TJP1: variants seen among roughly 807,000 people sequenced by gnomAD.
TJP1 encodes the protein tight junction protein 1, also known as tight junction protein ZO-1.
In TJP1, 43 loss-of-function variants were observed where a neutral mutation model predicts 194.2. That is an observed-to-expected ratio of 0.22 (90% CI 0.17 to 0.29). The LOEUF (loss-of-function observed/expected upper bound fraction) is 0.29, where lower values mean the gene tolerates loss of function less well. Ranked by LOEUF, TJP1 falls within the 10% of genes least tolerant of loss-of-function variation. The pLI, the probability that TJP1 is intolerant of heterozygous loss-of-function variation, is 1.00. For synonymous variants in TJP1, 801 were observed against 779.0 expected, an observed-to-expected ratio of 1.03 and a Z score of -0.47; for missense variants, 1,971 against 2,185.7, an observed-to-expected ratio of 0.90 and a Z score of 1.96.
At chr15:29,891,194 G>A (rs1422134640) in intron 2 of TJP1, among the ~76,000 whole-genome samples, 1 of 152,162 alleles carries the variant, frequency 6.6e-6, no homozygotes, top group East Asian at 1.9e-4. Flanking sequence ...CCAGATTGAC[G>A]GTGAGGACTA....
At chr15:29,743,705 C>G (rs2044577938) in intron 8 of TJP1, among the ~76,000 whole-genome samples, 2 of 151,900 alleles carry the variant, frequency 1.3e-5, no homozygotes, top group South Asian at 4.2e-4. Flanking sequence ...CCAGCCTAGG[C>G]AACAGAACAA....
At chr15:29,858,155 C>T (rs1487907045) in intron 2 of TJP1, among the ~76,000 whole-genome samples, 1 of 152,328 alleles carries the variant, frequency 6.6e-6, no homozygotes, top group South Asian at 2.1e-4. Context: ...AATCTCAACA[C>T]TTTGGGAGGC....
At chr15:29,934,994 A>G (rs558109620) in intron 2 of TJP1, among the ~76,000 whole-genome samples, 1 of 152,362 alleles carries the variant, frequency 6.6e-6, no homozygotes, top group Non-Finnish European at 1.5e-5. Flanking sequence ...AGGCCATCAG[A>G]GGGAAACTGA....
At chr15:29,861,198 A>G (rs902318870) in intron 2 of TJP1, among the ~76,000 whole-genome samples, 1 of 152,170 alleles carries the variant, frequency 6.6e-6, no homozygotes, top group Non-Finnish European at 1.5e-5. Context: ...TTTAACATAG[A>G]CCTGCAAACT....
In TJP1 at chr15:29,716,632, TTTGA is replaced by T; in HGVS notation, c.4177_4180del (p.Ser1393IlefsTer76). 6.2e-7 allele frequency: 1 copy of T among 1,612,382 alleles called. No individual in the cohort carries two copies. Among genetic ancestry groups the T allele is most frequent in the Non-Finnish European group, 8.5e-7 (1 of 1,178,686 alleles). On this transcript the variant is annotated frameshift_variant, in exon 23 of 28. Coordinates refer to ENST00000614355, the MANE Select transcript of TJP1 (RefSeq NM_001330239.4). LOFTEE classifies it high-confidence loss of function. ...TTACTTTGAAGAATAACTAGAAAAA[TTTGA>T]TTGATTCTGAGAATGCGCTGGCTTT...
chr15:29,719,753 A>G (rs1416918415), intron 20 of TJP1, 24 bp downstream of exon 20: 4 of 1,592,034 alleles, frequency 2.5e-6, no homozygotes, highest in Non-Finnish European at 3.4e-6. Flanking sequence ...GCAACAAATT[A>G]GTGCAACACC....
intron 1 of TJP1, among the ~76,000 whole-genome samples, chr15:29,815,676 CA>C (rs2049861835): frequency 6.6e-6 from 1 of 152,210 alleles, no homozygotes; most frequent in Admixed American, 6.5e-5. Context: ...TTTATCATAT[CA>C]GGGGTATGTC....
intron 2 of TJP1, among the ~76,000 whole-genome samples, chr15:29,910,577 T>C (rs1431123450): frequency 6.6e-6 from 1 of 152,248 alleles, no homozygotes; most frequent in African/African-American, 2.4e-5. Context: ...TATCTGAATG[T>C]AGATTATTCT....
intron 8 of TJP1, among the ~76,000 whole-genome samples, chr15:29,758,571 G>C (rs1028609476): frequency 6.6e-6 from 1 of 152,178 alleles, no homozygotes; most frequent in African/African-American, 2.4e-5. Context: ...CAACATTTGA[G>C]ATTTTGATTC....
chr15:29,790,249 C>A (rs1051193728), intron 2 of TJP1, among the ~76,000 whole-genome samples: 1 of 152,242 alleles, frequency 6.6e-6, no homozygotes, highest in African/African-American at 2.4e-5. Flanking sequence ...AAATTTTATT[C>A]GGCATCATCT....
chr15:29,745,499 T>C (rs1233836971), intron 8 of TJP1, among the ~76,000 whole-genome samples: 1 of 152,140 alleles, frequency 6.6e-6, no homozygotes, highest in African/African-American at 2.4e-5. Flanking sequence ...GCAAGTAGGA[T>C]AGAAATTCGG....
intron 2 of TJP1, among the ~76,000 whole-genome samples, chr15:29,869,794 TC>T (rs144250779): frequency 0.039 from 4,585 of 117,356 alleles, 235 homozygotes; most frequent in Non-Finnish European, 0.06. Context: ...TTTCTTTCTT[TC>T]TTTTTTTTTT....
chr15:29,703,082 T>G (rs893058840), intron 27 of TJP1, among the ~76,000 whole-genome samples: 2 of 152,220 alleles, frequency 1.3e-5, no homozygotes, highest in African/African-American at 4.8e-5. Context: ...AGTATTACAC[T>G]GAAAAACCAT....
chr15:29,810,594 T>G (rs978174938), intron 1 of TJP1, among the ~76,000 whole-genome samples: 2 of 152,190 alleles, frequency 1.3e-5, no homozygotes, highest in African/African-American at 4.8e-5. Context: ...TTAACAGCAT[T>G]GAAAAGGCAA....
rs780626984 is a variant in TJP1 at position 29,734,358 on chromosome 15, T to C, written c.1432A>G (p.Ile478Val). Residue 478 changes from isoleucine to valine, a missense_variant, in exon 12 of 28, where the codon ATC becomes GTC. Coordinates refer to ENST00000614355, the MANE Select transcript of TJP1 (RefSeq NM_001330239.4). Reference protein sequence around the residue: ...LRVNNVDFTNIIREEAVLFLL... With the variant: ...LRVNNVDFTNVIREEAVLFLL... ...AAAAGGACGGCTTCTTCTCTTATGATATTTGTAAAATCTACGTTGTTTACC... is the reference window on the plus strand; with the variant it reads ...AAAAGGACGGCTTCTTCTCTTATGACATTTGTAAAATCTACGTTGTTTACC... 6.6e-5 allele frequency: 107 copies of C among 1,612,862 alleles called. No homozygotes were observed. In the South Asian group the frequency reaches 9.6e-4, roughly 14 times the overall value.
At chr15:29,891,220 T>C (rs1292588082) in intron 2 of TJP1, among the ~76,000 whole-genome samples, 5 of 152,192 alleles carry the variant, frequency 3.3e-5, no homozygotes, top group Non-Finnish European at 5.9e-5. Flanking sequence ...CAACAGGTAG[T>C]AGGAGCATCA....
Position 29,705,529 on chromosome 15 carries a change from T to C in TJP1, c.5067A>G (p.Lys1689=). 6.2e-7 allele frequency: 1 copy of C among 1,614,154 alleles called. No homozygotes were observed. The highest frequency in any genetic ancestry group is 8.5e-7 in the Non-Finnish European group (1 of 1,180,022). The change falls in exon 26 of 28, where the codon AAA becomes AAG. Residue 1689 remains lysine (K), a splice_region_variant and synonymous_variant. Transcript: ENST00000614355. ...NSILPPLDKE[K]GETLLSPLVM... ...AAGGAGAAAAATAAACACATTTACC[T>C]TTCTCTTTATCTAAAGGTGGAAGGA...
chr15:29,714,572 ACT>A (rs1234550564), intron 23 of TJP1, among the ~76,000 whole-genome samples: 24 of 59,008 alleles, frequency 4.1e-4, no homozygotes, highest in African/African-American at 1.6e-3. Context: ...ACAGAGTCTC[ACT>A]CTGTTGCCCA....
chr15:29,711,612 T>C (rs2042247204), intron 23 of TJP1, among the ~76,000 whole-genome samples: 2 of 152,166 alleles, frequency 1.3e-5, no homozygotes, highest in East Asian at 3.9e-4. Context: ...GTGAGCCGCC[T>C]GCCTCTGCTT....
Sources: gnomAD v4.1 joint callset for allele counts (sites outside exome capture counted in the v4.1 genomes callset) on GRCh38, gnomAD v4.1.1 for gene constraint, MANE v1.5 for transcripts, NCBI Gene and HGNC (gene_info 2026-07-23, HGNC 2026-07-21) for gene names.